The following FAT3 variants were observed in gnomAD, a reference collection of about 807,000 sequenced individuals.
FAT3 encodes FAT atypical cadherin 3.
In FAT3, 95 loss-of-function variants were observed where a neutral mutation model predicts 310.2. That is an observed-to-expected ratio of 0.31 (90% CI 0.26 to 0.36). The LOEUF (loss-of-function observed/expected upper bound fraction) is 0.36. Ranked by LOEUF, FAT3 falls within the 10% of genes least tolerant of loss-of-function variation. The pLI is 1.00. For missense variants in FAT3, 5,408 were observed against 5,715.6 expected (o/e 0.95, Z 1.74); for synonymous variants, 2,314 against 2,192.9 (o/e 1.06, Z -1.54).
chr11:92,764,595 A>C (rs982197361), intron 5 of FAT3, among the ~76,000 whole-genome samples: 3 of 152,166 alleles, frequency 2.0e-5, no homozygotes, highest in African/African-American at 7.2e-5. Flanking sequence ...AGGCCCACAA[A>C]TCACCACAAA....
intron 3 of FAT3, among the ~76,000 whole-genome samples, chr11:92,536,727 G>C (rs1003940221): frequency 1.3e-5 from 2 of 152,128 alleles, no homozygotes; most frequent in African/African-American, 4.8e-5. Flanking sequence ...CATCTTGTAA[G>C]ATTGTGATCA....
At chr11:92,858,653 C>T (rs1206239216) in intron 20 of FAT3, among the ~76,000 whole-genome samples, 1 of 152,156 alleles carries the variant, frequency 6.6e-6, no homozygotes, top group East Asian at 1.9e-4. Context: ...CATGAATTTC[C>T]TTTATATCAG....
chr11:92,399,775 C>G (rs897468181), intron 2 of FAT3, among the ~76,000 whole-genome samples: 1 of 152,140 alleles, frequency 6.6e-6, no homozygotes, highest in African/African-American at 2.4e-5. Context: ...CAACCACTTA[C>G]GCAAATCAGT....
At chr11:92,359,524 A>C (rs565301236) in intron 2 of FAT3, among the ~76,000 whole-genome samples, 21 of 151,338 alleles carry the variant, frequency 1.4e-4, no homozygotes, top group Non-Finnish European at 2.9e-4. Context: ...ACATGTGCAC[A>C]TTGTGCAGGT....
intron 1 of FAT3, among the ~76,000 whole-genome samples, chr11:92,273,786 A>G (rs935700872): frequency 6.6e-6 from 1 of 152,128 alleles, no homozygotes; most frequent in African/African-American, 2.4e-5. Flanking sequence ...CTGTTATTCT[A>G]CGAAGATACA....
chr11:92,698,520 T>C (rs1792337), intron 4 of FAT3, among the ~76,000 whole-genome samples: 46,090 of 151,964 alleles, frequency 0.3, 7,213 homozygotes, highest in Non-Finnish European at 0.32. Flanking sequence ...AAAAGATCAC[T>C]CTTAGGATCA....
chr11:92,753,706 C>T (rs1945887267), intron 4 of FAT3, among the ~76,000 whole-genome samples: 2 of 151,580 alleles, frequency 1.3e-5, no homozygotes, highest in Admixed American at 1.3e-4. Context: ...GCAATCCAAC[C>T]TCTGGGTCTA....
chr11:92,383,361 G>T (rs1428601869), intron 2 of FAT3, among the ~76,000 whole-genome samples: 1 of 152,106 alleles, frequency 6.6e-6, no homozygotes, highest in African/African-American at 2.4e-5. Context: ...CCCAGTAATG[G>T]GACTGCTGGG....
chr11:92,294,431 TTTG>T (rs1331306541), intron 1 of FAT3, among the ~76,000 whole-genome samples: 3 of 151,980 alleles, frequency 2.0e-5, no homozygotes, highest in Non-Finnish European at 4.4e-5. Context: ...GGTGCTGACT[TTTG>T]TTGTACTGCT....
intron 3 of FAT3, among the ~76,000 whole-genome samples, chr11:92,692,970 C>T (rs1312828707): frequency 6.6e-6 from 1 of 152,178 alleles, no homozygotes; most frequent in Non-Finnish European, 1.5e-5. Context: ...AAGAAGTCAT[C>T]CTTACAAGTA....
intron 2 of FAT3, among the ~76,000 whole-genome samples, chr11:92,437,973 GAGAGAAA>G (rs1950980680): frequency 6.6e-6 from 1 of 152,112 alleles, no homozygotes; most frequent in South Asian, 2.1e-4. Context: ...TGGCATACAA[GAGAGAAA>G]GGCCCTTGTT....
intron 4 of FAT3, among the ~76,000 whole-genome samples, chr11:92,745,415 G>A (rs1398901996): frequency 6.6e-6 from 1 of 152,166 alleles, no homozygotes; most frequent in Non-Finnish European, 1.5e-5. Flanking sequence ...GAGCACATGG[G>A]TGGTAGTCAC....
At chr11:92,562,605 C>G (rs1198698187) in intron 3 of FAT3, among the ~76,000 whole-genome samples, 1 of 152,166 alleles carries the variant, frequency 6.6e-6, no homozygotes, top group Non-Finnish European at 1.5e-5. Context: ...GATATGCTAT[C>G]TGCAAGCTGG....
Position 92,353,837 on chromosome 11 carries a change from C to A in FAT3, c.1725C>A (p.Ser575Arg). ...GAATAGGAAATGTCAACGACAACAG[C>A]CCTCTCTTTGAAAAAGTGGCTTGCC... Reference protein sequence around the residue: ...TIRIGNVNDNSPLFEKVACQG... With the variant: ...TIRIGNVNDNRPLFEKVACQG... The change falls in exon 2 of 28, where the codon AGC becomes AGA. Residue 575 changes from serine to arginine, a missense_variant. Around this residue, in one of 5 missense-constraint regions of FAT3, gnomAD observed 4,588 missense variants for 4,809.8 expected, o/e 0.95. Coordinates refer to ENST00000525166, the MANE Select transcript of FAT3 (RefSeq NM_001367949.2). 2 of 1,613,742 alleles carry A rather than the reference C, an allele frequency of 1.2e-6. No homozygotes were observed. Among genetic ancestry groups the A allele is most frequent in the Non-Finnish European group, 1.7e-6 (2 of 1,179,806 alleles).
intron 3 of FAT3, among the ~76,000 whole-genome samples, chr11:92,625,488 C>A (rs1216354254): frequency 1.3e-5 from 2 of 152,164 alleles, no homozygotes; most frequent in South Asian, 4.1e-4. Flanking sequence ...CTGAGGCCTG[C>A]AACACCAGCC....
At position 92,225,021 on chromosome 11, in the gene FAT3, T is replaced by C. The variant is rs1863841425; in HGVS notation, c.-171T>C. Among the ~76,000 whole-genome samples the C allele has an allele frequency of 6.6e-6, 1 of 152,072 alleles. No homozygotes were observed. Among genetic ancestry groups the C allele is most frequent in the African/African-American group, 2.4e-5 (1 of 41,426 alleles). ...CGGCGTCCCGAGCGCAGAGCGCTTC[T>C]GCTCGCGGCCTCAGTCCCGGCTAGC... is the stretch of plus-strand genomic sequence containing the variant. On this transcript the variant is annotated 5_prime_UTR_variant, in exon 1 of 28. Coordinates refer to ENST00000525166, the MANE Select transcript of FAT3 (RefSeq NM_001367949.2).
chr11:92,250,444 A>G (rs1264044262), intron 1 of FAT3, among the ~76,000 whole-genome samples: 2 of 152,140 alleles, frequency 1.3e-5, no homozygotes, highest in Non-Finnish European at 1.5e-5. Flanking sequence ...TACAATATTA[A>G]TGCCCAGCGT....
At chr11:92,325,930 G>A (rs1258384598) in intron 1 of FAT3, among the ~76,000 whole-genome samples, 4 of 152,102 alleles carry the variant, frequency 2.6e-5, no homozygotes, top group African/African-American at 7.2e-5. Flanking sequence ...ATACCTGGCC[G>A]GGCCATTCTT....
Position 92,352,537 on chromosome 11 carries a change from C to T in FAT3, c.425C>T (p.Thr142Ile). The T allele has an allele frequency of 2.5e-6, 4 of 1,613,578 alleles. No individual in the cohort carries two copies. ...SVRGEDLEAW[T>I]KVNIQVLDMN... ...AGAGGAGAGGATTTGGAAGCATGGA[C>T]CAAAGTGAATATACAGGTTTTAGAT... The change falls in exon 2 of 28, where the codon ACC becomes ATC. Residue 142 changes from threonine (T) to isoleucine (I), a missense_variant. Physicochemically the swap from Thr to Ile is moderately conservative, Grantham distance 89. Around this residue, in one of 5 missense-constraint regions of FAT3, gnomAD observed 152 missense variants for 188.3 expected, o/e 0.81. Coordinates refer to ENST00000525166, the MANE Select transcript of FAT3 (RefSeq NM_001367949.2).
Sources: gnomAD v4.1 joint callset for allele counts (sites outside exome capture counted in the v4.1 genomes callset) on GRCh38, gnomAD v4.1.1 for gene constraint, gnomAD v4.1.1 regional missense constraint, MANE v1.5 for transcripts, NCBI Gene and HGNC (gene_info 2026-07-23, HGNC 2026-07-21) for gene names.